Variants in MALRD1 observed in about 807,000 individuals in gnomAD.
The protein encoded by MALRD1 is MAM and LDL receptor class A domain containing 1.
In MALRD1, 247 loss-of-function variants were observed where a neutral mutation model predicts 242.1. The ratio of observed to expected loss-of-function variants is 1.02; its 90% CI spans 0.92 to 1.13. MALRD1 has a LOEUF of 1.13. Ranked by LOEUF, MALRD1 falls within the 50% of genes most tolerant of loss-of-function variation. The pLI is 0.00. For missense variants in MALRD1, 2,989 were observed against 2,533.1 expected, an observed-to-expected ratio of 1.18 and a Z score of -3.86; for synonymous variants, 995 against 866.6, an observed-to-expected ratio of 1.15 and a Z score of -2.60.
intron 21 of MALRD1, among the ~76,000 whole-genome samples, chr10:19,300,490 A>C (rs1317279810): frequency 6.6e-6 from 1 of 151,952 alleles, no homozygotes; most frequent in Non-Finnish European, 1.5e-5. Flanking sequence ...AAAATAGAAT[A>C]GTGCTGTGAC....
At chr10:19,567,745 T>C (rs1836321030) in intron 33 of MALRD1, 42 bp downstream of exon 33, 16 of 1,496,946 alleles carry the variant, frequency 1.1e-5, no homozygotes, top group Non-Finnish European at 1.4e-5. Context: ...TATTTGTTTT[T>C]AGTATCTAAA....
chr10:19,456,512 A>G (rs1205987060), intron 29 of MALRD1, among the ~76,000 whole-genome samples: 1 of 152,060 alleles, frequency 6.6e-6, no homozygotes. Context: ...ATTGCTTTAT[A>G]TAAAGTTCAC....
At chr10:19,511,314 G>T (rs1196731278) in intron 31 of MALRD1, among the ~76,000 whole-genome samples, 1 of 152,018 alleles carries the variant, frequency 6.6e-6, no homozygotes, top group Non-Finnish European at 1.5e-5. Context: ...TCAGCACACG[G>T]CTGATCTTTA....
rs531733616 is a variant in MALRD1, at chr10:19,344,187, C to T, written c.3902-3584C>T. ...ATGAAGTTCAATGTATTGATCTTTC[C>T]TCTTCCAGATCATGCTTTGATATCA... On this transcript the variant is annotated intron_variant, in intron 24 of 39. Coordinates refer to ENST00000454679, the MANE Select transcript of MALRD1 (RefSeq NM_001142308.3). 3.9e-5 allele frequency among the ~76,000 whole-genome samples: 6 copies of T among 152,180 alleles called. 1 individual carries two copies. The highest frequency in any genetic ancestry group is 1.2e-4 in the African/African-American group (5 of 41,562).
intron 13 of MALRD1, among the ~76,000 whole-genome samples, chr10:19,172,970 A>C (rs2131534339): frequency 6.6e-6 from 1 of 152,198 alleles, no homozygotes; most frequent in East Asian, 1.9e-4. Context: ...TTCTTAGTTT[A>C]AGATTCTACA....
chr10:19,672,130 C>T (rs577611942), intron 36 of MALRD1, among the ~76,000 whole-genome samples: 2 of 152,206 alleles, frequency 1.3e-5, no homozygotes, highest in East Asian at 3.9e-4. Flanking sequence ...ACATCTCTGT[C>T]ACCTCCAGCC....
chr10:19,450,303 T>A lies in MALRD1; in HGVS notation c.4846-4T>A. Reference sequence around the variant, plus strand: ...TTCCCTCATACAAACTTCTTTACTTTCAGACAGAGAAAGGACTATCAAAAG... The same window carrying A: ...TTCCCTCATACAAACTTCTTTACTTACAGACAGAGAAAGGACTATCAAAAG... On this transcript the variant is annotated splice_region_variant and splice_polypyrimidine_tract_variant and intron_variant, in intron 28 of 39. Transcript: ENST00000454679. 1 of 1,546,200 alleles carries A rather than the reference T, an allele frequency of 6.5e-7. No homozygotes were observed. The highest frequency in any genetic ancestry group is 8.7e-7 in the Non-Finnish European group (1 of 1,145,918).
At chr10:19,082,210 GATT>G in intron 2 of MALRD1, among the ~76,000 whole-genome samples, 1 of 151,200 alleles carries the variant, frequency 6.6e-6, no homozygotes, top group African/African-American at 2.4e-5. Context: ...TTGCCCTAGG[GATT>G]ACATTTAACA....
At chr10:19,390,501 A>G (rs1442662974) in intron 28 of MALRD1, among the ~76,000 whole-genome samples, 2 of 152,324 alleles carry the variant, frequency 1.3e-5, no homozygotes, top group African/African-American at 4.8e-5. Flanking sequence ...TAACATAGTA[A>G]ATATTAATAT....
intron 23 of MALRD1, among the ~76,000 whole-genome samples, chr10:19,328,437 G>A (rs1232963649): frequency 6.6e-6 from 1 of 151,998 alleles, no homozygotes. Flanking sequence ...TAACTGCCTG[G>A]GTCTTAATTC....
At chr10:19,534,366 C>G (rs548087749) in intron 32 of MALRD1, among the ~76,000 whole-genome samples, 5 of 152,100 alleles carry the variant, frequency 3.3e-5, no homozygotes, top group Non-Finnish European at 5.9e-5. Context: ...AAGTGGAAAC[C>G]CATTCTCCGT....
At chr10:19,667,510 G>C (rs1396626315) in intron 36 of MALRD1, among the ~76,000 whole-genome samples, 1 of 152,128 alleles carries the variant, frequency 6.6e-6, no homozygotes, top group African/African-American at 2.4e-5. Flanking sequence ...CATGGGGACA[G>C]ATTCTTTGTG....
chr10:19,709,508 T>C (rs1834013317), intron 38 of MALRD1, among the ~76,000 whole-genome samples: 1 of 152,174 alleles, frequency 6.6e-6, no homozygotes, highest in South Asian at 2.1e-4. Flanking sequence ...TAATCTCTTT[T>C]ATGAGCCATT....
chr10:19,608,020 C>A (rs1228304276), intron 35 of MALRD1, 118 bp downstream of exon 35: 1 of 1,335,134 alleles, frequency 7.5e-7, no homozygotes, highest in African/African-American at 1.5e-5. Context: ...AATTGAATTT[C>A]TATTCTTGGT....
At chr10:19,592,759 A>ACGCG (rs1414895826) in intron 33 of MALRD1, among the ~76,000 whole-genome samples, 198 of 139,680 alleles carry the variant, frequency 1.4e-3, no homozygotes, top group Middle Eastern at 3.6e-3. Context: ...ACACACACAC[A>ACGCG]CACGCACGCA....
At chr10:19,305,142 C>T (rs183314584) in intron 21 of MALRD1, among the ~76,000 whole-genome samples, 1 of 151,608 alleles carries the variant, frequency 6.6e-6, no homozygotes, top group Admixed American at 6.6e-5. Flanking sequence ...TGGTTTTTGC[C>T]AGTATACGGA....
chr10:19,066,611 T>C, intron 1 of MALRD1, 108 bp from the exon 2 acceptor site: 1 of 827,542 alleles, frequency 1.2e-6, no homozygotes, highest in East Asian at 3.4e-5. Context: ...GAATAATCTT[T>C]ATGTTGACTT....
rs1554761108 is a variant in MALRD1, at chr10:19,386,426, A to AG, written c.4442-1102_4442-1101insG. On this transcript the variant is annotated intron_variant, in intron 26 of 39. Transcript: ENST00000454679. ...AGAAGGAGAAGACAAGAAAAAAAAAATGTCAGATCCTGTAGTGTCAGAGAA... is the reference window on the plus strand; with the variant it reads ...AGAAGGAGAAGACAAGAAAAAAAAAAGTGTCAGATCCTGTAGTGTCAGAGAA... 2.0e-5 allele frequency among the ~76,000 whole-genome samples: 3 copies of AG among 150,988 alleles called. No homozygotes were observed. In the East Asian group the frequency reaches 5.8e-4, roughly 29 times the overall value.
At chr10:19,686,616 G>C (rs1324763825) in intron 36 of MALRD1, among the ~76,000 whole-genome samples, 1 of 152,136 alleles carries the variant, frequency 6.6e-6, no homozygotes, top group East Asian at 1.9e-4. Context: ...TTATTTTAGA[G>C]AGGCAGCTTA....
Sources: allele counts gnomAD v4.1 joint callset (sites outside exome capture counted in the v4.1 genomes callset), GRCh38; gene constraint gnomAD v4.1.1; transcripts MANE v1.5; gene names NCBI Gene and HGNC (gene_info 2026-07-23, HGNC 2026-07-21).